The following PRAG1 variants were observed in gnomAD, a reference collection of about 807,000 sequenced individuals.
PRAG1 encodes the protein inactive tyrosine-protein kinase PRAG1.
PRAG1 carries 110 observed loss-of-function variants against 95.6 expected under a neutral mutation model. The ratio of observed to expected loss-of-function variants is 1.15; its 90% CI spans 0.99 to 1.35. PRAG1 has a LOEUF of 1.35. PRAG1 is among the 40% of genes most tolerant of loss of function. The pLI, the probability that PRAG1 is intolerant of heterozygous loss-of-function variation, is 0.00. For missense variants in PRAG1, 2,554 were observed against 1,864.7 expected, an observed-to-expected ratio of 1.37 and a Z score of -6.81; for synonymous variants, 1,052 against 819.4, an observed-to-expected ratio of 1.28 and a Z score of -4.85.
rs530636639 is a variant in PRAG1, at chr8:8,362,570, C to A, written c.2162+13677G>T. Among the ~76,000 whole-genome samples the A allele has an allele frequency of 3.9e-5, 6 of 152,328 alleles. No individual in the cohort carries two copies. The East Asian group carries it at 9.6e-4, about 24-fold the overall frequency. On this transcript the variant is annotated intron_variant, in intron 3 of 5. Coordinates refer to ENST00000615670, the MANE Select transcript of PRAG1 (RefSeq NM_001080826.3). ...CCTCCCCTAGGAGAAAGATCAGAGA[C>A]CCTGCCCCAGAGGAGAATGGGTGAT...
rs190703592 is a variant in PRAG1, at chr8:8,375,392, C to T, written c.2162+855G>A. On this transcript the variant is annotated intron_variant, in intron 3 of 5. Coordinates refer to ENST00000615670, the MANE Select transcript of PRAG1 (RefSeq NM_001080826.3). ...CTAATTTTTGTATTTTTAGTAGAGA[C>T]GGGGTTTCACTGTGTTAGCCAGGAT... Among the ~76,000 whole-genome samples, 169 of 151,998 alleles carry T rather than the reference C, an allele frequency of 1.1e-3. 3 individuals are homozygous for T. In the South Asian group the frequency reaches 0.02, roughly 18 times the overall value.
intron 3 of PRAG1, among the ~76,000 whole-genome samples, chr8:8,357,703 A>G (rs1799724759): frequency 1.3e-5 from 2 of 152,358 alleles, no homozygotes; most frequent in East Asian, 1.9e-4. Context: ...TATTTCAAAG[A>G]ACTGAAAACA....
At chr8:8,330,333 T>G (rs1798782176) in intron 4 of PRAG1, among the ~76,000 whole-genome samples, 1 of 152,218 alleles carries the variant, frequency 6.6e-6, no homozygotes, top group East Asian at 1.9e-4. Context: ...GCCACCGCAC[T>G]CCCACCTGGG....
Position 8,381,454 on chromosome 8 carries a change from C to T in PRAG1, c.294G>A (p.Val98=), listed in dbSNP as rs377419187. 1.2e-6 allele frequency: 2 copies of T among 1,613,754 alleles called. No homozygotes were observed. The highest frequency in any genetic ancestry group is 1.7e-6 in the Non-Finnish European group (2 of 1,179,650). ...CGGCACTCAGGTTGGCCTCTGTCCA[C>T]ACATCAGAGGCCTCGGAGCTCATCA... ...PTMMSSEASD[V]WTEANLSAEV... is the part of the protein sequence containing the mutation. The change falls in exon 2 of 6, where the codon GTG becomes GTA. Residue 98 remains valine (V), a synonymous_variant. Transcript: ENST00000615670.
intron 3 of PRAG1, among the ~76,000 whole-genome samples, chr8:8,360,423 T>C (rs1319856903): frequency 6.6e-6 from 1 of 152,206 alleles, no homozygotes; most frequent in Non-Finnish European, 1.5e-5. Flanking sequence ...AAATTTCTCC[T>C]CTTGCCTCCT....
At position 8,328,250 on chromosome 8, in the gene PRAG1, G is replaced by C. The variant is rs1203807884; in HGVS notation, c.2532C>G (p.Ser844Arg). Reference sequence around the variant, plus strand: ...CCGAGTGGCTTAGGTTCAGCTTGGGGCTTGCTGTTCCGGGCTTGGGGGAGC... The same window carrying C: ...CCGAGTGGCTTAGGTTCAGCTTGGGCCTTGCTGTTCCGGGCTTGGGGGAGC... ...TQGSPKPGTASPKLNLSHSET... is the reference protein window; with the variant it reads ...TQGSPKPGTARPKLNLSHSET... Residue 844 changes from serine (S) to arginine (R), a missense_variant, in exon 5 of 6, where the codon AGC becomes AGG. By Grantham distance (110) the Ser-to-Arg change is moderately radical. Coordinates refer to ENST00000615670, the MANE Select transcript of PRAG1 (RefSeq NM_001080826.3). 1 of 1,614,092 alleles carries C rather than the reference G, an allele frequency of 6.2e-7. No homozygotes were observed. Among genetic ancestry groups the C allele is most frequent in the Admixed American group, 1.7e-5 (1 of 60,008 alleles).
chr8:8,354,500 A>C (rs576859426), intron 3 of PRAG1, among the ~76,000 whole-genome samples: 1 of 152,220 alleles, frequency 6.6e-6, no homozygotes, highest in Non-Finnish European at 1.5e-5. Flanking sequence ...AGTACAGGCC[A>C]ATATTGCTGA....
At chr8:8,363,396 G>C (rs1397725070) in intron 3 of PRAG1, among the ~76,000 whole-genome samples, 1 of 152,122 alleles carries the variant, frequency 6.6e-6, no homozygotes, top group Non-Finnish European at 1.5e-5. Flanking sequence ...TTAAAAGGAA[G>C]GAAATTCTGA....
intron 3 of PRAG1, among the ~76,000 whole-genome samples, chr8:8,354,390 A>AT (rs901640916): frequency 5.9e-5 from 9 of 152,240 alleles, no homozygotes; most frequent in African/African-American, 2.2e-4. Flanking sequence ...CAAAAAAAAA[A>AT]AATAATAATA....
chr8:8,378,998 G>A (rs62497498), intron 2 of PRAG1, among the ~76,000 whole-genome samples: 4,424 of 152,058 alleles, frequency 0.029, 92 homozygotes, highest in South Asian at 0.055. Flanking sequence ...CCAGATCAGA[G>A]TGAGGGGTAG....
chr8:8,381,284 T>C (rs1800633964), intron 2 of PRAG1, 134 bp downstream of exon 2: 1 of 798,426 alleles, frequency 1.3e-6, no homozygotes, highest in Non-Finnish European at 1.9e-6. Flanking sequence ...GCAGGAGCCA[T>C]CTCAGGGCAA....
intron 4 of PRAG1, among the ~76,000 whole-genome samples, chr8:8,335,764 A>G (rs973462949): frequency 6.6e-6 from 1 of 151,426 alleles, no homozygotes; most frequent in African/African-American, 2.4e-5. Flanking sequence ...CTGCCTTCTG[A>G]CCAGTAGCTA....
chr8:8,353,477 C>T (rs1287942867), intron 3 of PRAG1, among the ~76,000 whole-genome samples: 1 of 151,780 alleles, frequency 6.6e-6, no homozygotes, highest in Non-Finnish European at 1.5e-5. Flanking sequence ...AGAAAAAAAT[C>T]ACAGAAATTA....
At chr8:8,328,541 T>C (rs377379391) in intron 4 of PRAG1, 80 bp from the exon 5 acceptor site, 6 of 1,031,848 alleles carry the variant, frequency 5.8e-6, no homozygotes, top group Non-Finnish European at 7.7e-6. Flanking sequence ...TTTCCCTTTA[T>C]TTATTTATTT....
intron 1 of PRAG1, among the ~76,000 whole-genome samples, chr8:8,384,131 G>A (rs1170624175): frequency 6.6e-6 from 1 of 152,192 alleles, no homozygotes; most frequent in Non-Finnish European, 1.5e-5. Context: ...ATCTGAGGAG[G>A]TGGGTGCCCA....
rs1471424130 is a variant in PRAG1 at position 8,318,501 on chromosome 8, C to A, written c.3874G>T (p.Ala1292Ser). ...AGGCCGGGTGAGTAGAGGGACAGCG[C>A]GGGCAGCGGCGGCAGGTCCTCCTGC... ...YRQEDLPPLP[A>S]LSLYSPGLQQ... Residue 1292 changes from alanine to serine, a missense_variant, in exon 6 of 6, where the codon GCG becomes TCG. Physicochemically the swap from Ala to Ser is moderately conservative, Grantham distance 99. Coordinates refer to ENST00000615670, the MANE Select transcript of PRAG1 (RefSeq NM_001080826.3). The surrounding 1 kb of genome is among the most constrained non-coding windows in gnomAD (Gnocchi z 4.2). 2 of 1,611,468 alleles carry A rather than the reference C, an allele frequency of 1.2e-6. No homozygotes were observed. The highest frequency in any genetic ancestry group is 1.7e-6 in the Non-Finnish European group (2 of 1,179,548).
chr8:8,342,195 A>ATT lies in PRAG1; in HGVS notation c.2163-2562_2163-2561dup, dbSNP rs1407544785. On this transcript the variant is annotated intron_variant, in intron 3 of 5. Transcript: ENST00000615670. Reference sequence around the variant, plus strand: ...TTCACTTTTTCAATTATCTCATGTAATTTTTTTTTTTTTTTTGAGATGGAG... The same window carrying ATT: ...TTCACTTTTTCAATTATCTCATGTAATTTTTTTTTTTTTTTTTTGAGATGGAG... Among the ~76,000 whole-genome samples, 337 of 139,554 alleles carry ATT rather than the reference A, an allele frequency of 2.4e-3. 3 individuals carry two copies. Among genetic ancestry groups the ATT allele is most frequent in the African/African-American group, 8.2e-3 (314 of 38,100 alleles). 91.6% of individuals were successfully genotyped at this position (139,554 alleles called of 152,430 possible). A position where few individuals can be genotyped will look rare whatever the true frequency, so the allele number is the denominator to read the frequency against.
intron 3 of PRAG1, among the ~76,000 whole-genome samples, chr8:8,361,508 G>A (rs929802003): frequency 6.6e-6 from 1 of 152,130 alleles, no homozygotes; most frequent in Non-Finnish European, 1.5e-5. Context: ...CTTATCAGAT[G>A]AGGCAATCTC....
At position 8,376,451 on chromosome 8, in the gene PRAG1, C is replaced by T; in HGVS notation, c.1958G>A (p.Ser653Asn). 1 of 1,614,128 alleles carries T rather than the reference C, an allele frequency of 6.2e-7. No homozygotes were observed. Reference sequence around the variant, plus strand: ...GCCATTTTTGGTCTCTCTTCCCCAGCTGTGACTCAGCAATTCCTGCTCCAC... The same window carrying T: ...GCCATTTTTGGTCTCTCTTCCCCAGTTGTGACTCAGCAATTCCTGCTCCAC... Reference protein sequence around the residue: ...EEVEQELLSHSWGRETKNGPT... With the variant: ...EEVEQELLSHNWGRETKNGPT... The change falls in exon 3 of 6, where the codon AGC becomes AAC. Residue 653 changes from serine to asparagine, a missense_variant. By Grantham distance (46) the Ser-to-Asn change is conservative (BLOSUM62 1). Coordinates refer to ENST00000615670, the MANE Select transcript of PRAG1 (RefSeq NM_001080826.3).
Sources: allele counts gnomAD v4.1 joint callset (sites outside exome capture counted in the v4.1 genomes callset), GRCh38; gene constraint gnomAD v4.1.1; non-coding constraint Gnocchi (gnomAD v3.1); transcripts MANE v1.5; gene names NCBI Gene and HGNC (gene_info 2026-07-23, HGNC 2026-07-21).